CTNNA2: variants seen among roughly 807,000 people sequenced by gnomAD.
The protein encoded by CTNNA2 is catenin alpha 2, also known as catenin alpha-2.
CTNNA2 carries 42 observed loss-of-function variants against 101.0 expected under a neutral mutation model. The ratio of observed to expected loss-of-function variants is 0.42; its 90% CI spans 0.32 to 0.54. CTNNA2 has a LOEUF of 0.54. CTNNA2 is among the 20% of genes least tolerant of loss of function. The pLI is 0.14. For missense variants in CTNNA2, 871 were observed against 1,223.1 expected, an observed-to-expected ratio of 0.71 and a Z score of 4.29; for synonymous variants, 450 against 456.4, an observed-to-expected ratio of 0.99 and a Z score of 0.18.
chr2:79,641,362 G>T (rs555324223), intron 1 of CTNNA2, among the ~76,000 whole-genome samples: 26 of 152,244 alleles, frequency 1.7e-4, no homozygotes, highest in South Asian at 1.7e-3. Flanking sequence ...TAATTTATAG[G>T]CAGAAGAACA....
chr2:80,453,725 A>G (rs895365793), intron 9 of CTNNA2, among the ~76,000 whole-genome samples: 12 of 152,304 alleles, frequency 7.9e-5, no homozygotes, highest in African/African-American at 2.6e-4. Flanking sequence ...GTGAGGACAG[A>G]CAGGGTTATA....
intron 7 of CTNNA2, among the ~76,000 whole-genome samples, chr2:80,196,205 C>T (rs557334972): frequency 6.6e-6 from 1 of 152,148 alleles, no homozygotes; most frequent in South Asian, 2.1e-4. Flanking sequence ...ACAACAATCA[C>T]CCTTTGTTGC....
intron 7 of CTNNA2, among the ~76,000 whole-genome samples, chr2:80,137,052 A>G (rs1269519188): frequency 6.6e-6 from 1 of 152,168 alleles, no homozygotes. Context: ...TGCCTGTGGT[A>G]CCCAGGAATT....
chr2:79,601,114 T>C (rs1297293526), intron 1 of CTNNA2, among the ~76,000 whole-genome samples: 2 of 152,166 alleles, frequency 1.3e-5, no homozygotes, highest in African/African-American at 2.4e-5. Flanking sequence ...ATAGTTCACA[T>C]TGCAGATAGA....
chr2:80,264,318 T>C (rs1046010831), intron 7 of CTNNA2, among the ~76,000 whole-genome samples: 13 of 152,186 alleles, frequency 8.5e-5, no homozygotes, highest in African/African-American at 3.1e-4. Context: ...ATTTTCCAGC[T>C]TACTTATTTC....
chr2:79,739,046 C>A (rs908120139), intron 2 of CTNNA2, among the ~76,000 whole-genome samples: 1 of 151,128 alleles, frequency 6.6e-6, no homozygotes, highest in Non-Finnish European at 1.5e-5. Flanking sequence ...CTATTACTAC[C>A]AGTTTTTGTT....
intron 9 of CTNNA2, among the ~76,000 whole-genome samples, chr2:80,520,700 C>T (rs1415472950): frequency 6.6e-6 from 1 of 152,190 alleles, no homozygotes; most frequent in Non-Finnish European, 1.5e-5. Flanking sequence ...CCCAAGGGCT[C>T]CACCTCTAAA....
chr2:79,328,091 G>C (rs745459071), intron 3 of CTNNA2, among the ~76,000 whole-genome samples: 2 of 152,170 alleles, frequency 1.3e-5, no homozygotes, highest in Non-Finnish European at 2.9e-5. Flanking sequence ...GAATGTTATG[G>C]GGGCTGATAG....
intron 9 of CTNNA2, among the ~76,000 whole-genome samples, chr2:80,485,958 T>A (rs1390046618): frequency 6.6e-6 from 1 of 152,176 alleles, no homozygotes; most frequent in Non-Finnish European, 1.5e-5. Flanking sequence ...TCACCATATT[T>A]TTTTTTTGCA....
chr2:80,043,001 TTTCC>T, intron 7 of CTNNA2, among the ~76,000 whole-genome samples: 1 of 151,102 alleles, frequency 6.6e-6, no homozygotes, highest in African/African-American at 2.5e-5. Flanking sequence ...CTTTCCTTCC[TTTCC>T]TTCCTTTCTT....
chr2:80,601,601 CA>C, intron 15 of CTNNA2: 1 of 151,608 alleles, frequency 6.6e-6, no homozygotes, highest in African/African-American at 2.4e-5. Context: ...CTTTGTGATA[CA>C]TTTTTTTGTT....
rs1056201047 is a variant in CTNNA2, at chr2:79,319,537, T to G, written c.-318+6741T>G. Among the ~76,000 whole-genome samples the G allele has an allele frequency of 4.6e-5, 7 of 151,178 alleles. No individual in the cohort carries two copies. In the South Asian group the frequency reaches 1.5e-3, roughly 32 times the overall value. On this transcript the variant is annotated intron_variant, in intron 3 of 21. Coordinates refer to the CTNNA2 transcript ENST00000466387. ...CAACCTCCTCTCCCCTTACTTACTG[T>G]AAACTTAATGCAGGTAATTTATTTA...
chr2:80,231,962 A>G (rs1709240037), intron 7 of CTNNA2, among the ~76,000 whole-genome samples: 1 of 152,180 alleles, frequency 6.6e-6, no homozygotes, highest in South Asian at 2.1e-4. Flanking sequence ...TTATCTACAT[A>G]ATAAGACCCT....
intron 2 of CTNNA2, among the ~76,000 whole-genome samples, chr2:79,287,529 C>G (rs184199558): frequency 0.058 from 8,034 of 137,538 alleles, 796 homozygotes; most frequent in African/African-American, 0.22. Flanking sequence ...AGGTGTCAGT[C>G]TGCCCCTGCT....
intron 7 of CTNNA2, among the ~76,000 whole-genome samples, chr2:79,931,135 A>G (rs965378582): frequency 2.0e-5 from 3 of 152,192 alleles, no homozygotes; most frequent in Non-Finnish European, 2.9e-5. Flanking sequence ...AAACTCTGCA[A>G]TATGCATTAA....
At chr2:79,952,184 C>T (rs1463615283) in intron 7 of CTNNA2, among the ~76,000 whole-genome samples, 4 of 152,164 alleles carry the variant, frequency 2.6e-5, no homozygotes, top group African/African-American at 9.7e-5. Flanking sequence ...AGCACTCCCA[C>T]TGCTTATTTT....
intron 7 of CTNNA2, among the ~76,000 whole-genome samples, chr2:80,017,398 G>A (rs1334930562): frequency 6.6e-6 from 1 of 151,748 alleles, no homozygotes; most frequent in African/African-American, 2.4e-5. Flanking sequence ...TTACATTGAT[G>A]TGTACATATA....
intron 7 of CTNNA2, among the ~76,000 whole-genome samples, chr2:80,375,815 G>A (rs370943479): frequency 4.0e-5 from 6 of 151,080 alleles, no homozygotes; most frequent in African/African-American, 9.7e-5. Context: ...CACCCGCCTC[G>A]GCCTCCCAAA....
intron 4 of CTNNA2, among the ~76,000 whole-genome samples, chr2:79,479,118 T>C (rs1205389494): frequency 6.6e-6 from 1 of 152,246 alleles, no homozygotes; most frequent in African/African-American, 2.4e-5. Flanking sequence ...CATATTTTAT[T>C]GATGTTACCA....
Sources: gnomAD v4.1 joint callset for allele counts (sites outside exome capture counted in the v4.1 genomes callset) on GRCh38, gnomAD v4.1.1 for gene constraint, MANE v1.5 for transcripts, NCBI Gene and HGNC (gene_info 2026-07-23, HGNC 2026-07-21) for gene names.